The following PCDHAC1 variants were observed in gnomAD, a reference collection of about 807,000 sequenced individuals.
PCDHAC1 encodes protocadherin alpha-C1.
A neutral mutation model predicts 60.0 loss-of-function variants in PCDHAC1; 42 were observed. The ratio of observed to expected loss-of-function variants is 0.70; its 90% CI spans 0.55 to 0.90. The LOEUF (loss-of-function observed/expected upper bound fraction) is 0.90. Among genes scored for constraint, PCDHAC1 ranks in the 40% least tolerant of loss-of-function variants. The probability of loss-of-function intolerance (pLI) is 0.00; values close to 1 mark genes in which losing one functional copy is unlikely to be tolerated. For synonymous variants in PCDHAC1, 468 were observed against 499.3 expected (o/e 0.94, Z 0.84); for missense variants, 1,160 against 1,222.3 (o/e 0.95, Z 0.76).
intron 1 of PCDHAC1, 119 bp from the exon 2 acceptor site, chr5:140,978,830 C>A: frequency 1.3e-6 from 2 of 1,535,340 alleles, no homozygotes; most frequent in Non-Finnish European, 1.8e-6. Context: ...TGAAATGGCT[C>A]ATTCAATACT....
chr5:140,966,068 T>G (rs188069959), intron 1 of PCDHAC1: 1 of 153,298 alleles, frequency 6.5e-6, no homozygotes. Context: ...CGCCTCCCCC[T>G]GCGTTGTTTC....
At chr5:141,007,476 G>A (rs1412241964) in intron 3 of PCDHAC1, among the ~76,000 whole-genome samples, 1 of 151,712 alleles carries the variant, frequency 6.6e-6, no homozygotes, top group Non-Finnish European at 1.5e-5. Context: ...GCTGAGGCAC[G>A]AGAATTACTT....
intron 1 of PCDHAC1, among the ~76,000 whole-genome samples, chr5:140,946,634 A>ATAT (rs1554217761): frequency 1.4e-5 from 2 of 147,350 alleles, no homozygotes; most frequent in Non-Finnish European, 3.0e-5. Context: ...ATATATATAC[A>ATAT]ATGGAATACT....
chr5:140,967,565 C>A, intron 1 of PCDHAC1: 1 of 1,614,080 alleles, frequency 6.2e-7, no homozygotes, highest in Non-Finnish European at 8.5e-7. Context: ...CGTCCAGCTA[C>A]GGGAGGACTC....
At chr5:140,962,759 G>A (rs1554226222) in intron 1 of PCDHAC1, among the ~76,000 whole-genome samples, 1 of 152,114 alleles carries the variant, frequency 6.6e-6, no homozygotes, top group Admixed American at 6.5e-5. Flanking sequence ...AATCCTATTC[G>A]TTTTTAACAA....
At chr5:140,972,660 A>ATTTTTTTT (rs11350929) in intron 1 of PCDHAC1, among the ~76,000 whole-genome samples, 1 of 117,268 alleles carries the variant, frequency 8.5e-6, no homozygotes, top group Non-Finnish European at 1.7e-5. Context: ...AAGAAACCAA[A>ATTTTTTTT]TTTTTTTTTT....
intron 3 of PCDHAC1, among the ~76,000 whole-genome samples, chr5:140,993,088 CTA>C (rs1420227988): frequency 6.6e-6 from 1 of 152,202 alleles, no homozygotes; most frequent in Non-Finnish European, 1.5e-5. Flanking sequence ...ATCAGCAGGG[CTA>C]TGTTTATTCA....
chr5:140,927,601 G>A lies in PCDHAC1; in HGVS notation c.709G>A (p.Val237Ile), dbSNP rs1490799029. The change falls in exon 1 of 4, where the codon GTA becomes ATA. Residue 237 changes from valine to isoleucine, a missense_variant. Around this residue, in one of 3 missense-constraint regions of PCDHAC1, gnomAD observed 1,113 missense variants for 1,163.7 expected, o/e 0.96. Transcript: ENST00000253807. ...NDNAPVFERS[V>I]YRTKVPETAP... ...CAACGCGCCTGTATTTGAGCGCTCC[G>A]TATACCGCACCAAGGTTCCAGAGAC... The A allele has an allele frequency of 6.2e-7, 1 of 1,614,198 alleles. No homozygotes were observed. The highest frequency in any genetic ancestry group is 8.5e-7 in the Non-Finnish European group (1 of 1,180,030).
chr5:140,982,340 G>C (rs1186327832), intron 2 of PCDHAC1, 135 bp from the exon 3 acceptor site: 1 of 1,458,038 alleles, frequency 6.9e-7, no homozygotes, highest in East Asian at 2.5e-5. Flanking sequence ...AGCAGTAATT[G>C]CTTCAGTTCA....
intron 3 of PCDHAC1, among the ~76,000 whole-genome samples, chr5:140,984,074 A>T (rs1554245949): frequency 6.6e-6 from 1 of 152,268 alleles, no homozygotes; most frequent in African/African-American, 2.4e-5. Context: ...AGTGCCAACG[A>T]TGGAGTGAAG....
At chr5:140,999,592 C>T (rs1443096475) in intron 3 of PCDHAC1, among the ~76,000 whole-genome samples, 2 of 152,114 alleles carry the variant, frequency 1.3e-5, no homozygotes, top group Non-Finnish European at 2.9e-5. Flanking sequence ...ATTGCCTTCC[C>T]TACATCCTGG....
chr5:140,939,851 A>G (rs1313215259), intron 1 of PCDHAC1, among the ~76,000 whole-genome samples: 2 of 152,206 alleles, frequency 1.3e-5, no homozygotes, highest in African/African-American at 4.8e-5. Context: ...TGTGTTCTGT[A>G]TATGTCCATT....
At chr5:140,953,258 T>C (rs1042358653) in intron 1 of PCDHAC1, among the ~76,000 whole-genome samples, 22 of 152,304 alleles carry the variant, frequency 1.4e-4, no homozygotes, top group African/African-American at 5.3e-4. Context: ...TTAGTTCTTT[T>C]AGCTTTAGCC....
intron 3 of PCDHAC1, among the ~76,000 whole-genome samples, chr5:140,996,315 G>A (rs2097722113): frequency 6.6e-6 from 1 of 152,188 alleles, no homozygotes; most frequent in African/African-American, 2.4e-5. Flanking sequence ...AGTAAGGGGG[G>A]AGGGTAGAGA....
chr5:140,948,107 C>T (rs1156492592), intron 1 of PCDHAC1, among the ~76,000 whole-genome samples: 3 of 151,432 alleles, frequency 2.0e-5, no homozygotes, highest in Middle Eastern at 3.2e-3. Flanking sequence ...GATTTTTCTT[C>T]GTTTTACTAA....
intron 1 of PCDHAC1, among the ~76,000 whole-genome samples, chr5:140,962,051 T>G (rs1352018533): frequency 6.6e-6 from 1 of 151,838 alleles, no homozygotes; most frequent in East Asian, 1.9e-4. Context: ...GCCTGGCTAA[T>G]TTTTTTGTAT....
chr5:140,969,343 G>A (rs2096321775), intron 1 of PCDHAC1: 23 of 1,613,728 alleles, frequency 1.4e-5, no homozygotes, highest in Non-Finnish European at 1.9e-5. Flanking sequence ...TGAGACAGTG[G>A]TCAGGGGGTC....
rs1554206541 is a variant in PCDHAC1 at position 140,928,989 on chromosome 5, A to C, written c.2097A>C (p.Leu699Phe). The change falls in exon 1 of 4, where the codon TTA becomes TTC. Residue 699 changes from leucine to phenylalanine, a missense_variant. Leu to Phe is a conservative substitution (Grantham distance 22). This residue lies in a region of PCDHAC1 where 1,113 missense variants were observed against 1,163.7 expected (regional missense o/e 0.96). Transcript: ENST00000253807. The stretch of plus-strand genomic sequence containing the variant: ...TTTCCTTTTTATTTCTGGGGTGCTT[A>C]CTTTTCTTCGTGTGTACCAAGTTGC... ...ACISFLFLGC[L>F]LFFVCTKLHQ... is the part of the protein sequence containing the mutation. 2 of 1,613,706 alleles carry C rather than the reference A, an allele frequency of 1.2e-6. No homozygotes were observed. The highest frequency in any genetic ancestry group is 1.7e-6 in the Non-Finnish European group (2 of 1,179,900).
chr5:140,952,566 G>A (rs1198943972), intron 1 of PCDHAC1, among the ~76,000 whole-genome samples: 1 of 151,938 alleles, frequency 6.6e-6, no homozygotes, highest in African/African-American at 2.4e-5. Flanking sequence ...TCAGCACTTC[G>A]GTCCCAATCA....
Sources: allele counts gnomAD v4.1 joint callset (sites outside exome capture counted in the v4.1 genomes callset), GRCh38; gene constraint gnomAD v4.1.1; regional missense constraint gnomAD v4.1.1; transcripts MANE v1.5; gene names NCBI Gene and HGNC (gene_info 2026-07-23, HGNC 2026-07-21).